The following CACNA2D3 variants were observed in gnomAD, a reference collection of about 807,000 sequenced individuals.
CACNA2D3 encodes calcium voltage-gated channel auxiliary subunit alpha2delta 3.
CACNA2D3 carries 60 observed loss-of-function variants against 160.6 expected under a neutral mutation model. The observed-to-expected ratio is 0.37, with a 90% CI of 0.30 to 0.46. CACNA2D3 has a LOEUF of 0.46. CACNA2D3 is among the 20% of genes least tolerant of loss of function. The probability of loss-of-function intolerance (pLI) is 1.00; values close to 1 mark genes in which losing one functional copy is unlikely to be tolerated. For synonymous variants in CACNA2D3, 558 were observed against 492.9 expected (o/e 1.13, Z -1.75); for missense variants, 1,205 against 1,365.0 (o/e 0.88, Z 1.85).
intron 13 of CACNA2D3, among the ~76,000 whole-genome samples, chr3:54,810,872 C>G (rs1020911041): frequency 6.6e-6 from 1 of 152,196 alleles, no homozygotes; most frequent in Non-Finnish European, 1.5e-5. Context: ...AAAAACATGT[C>G]CCTCTGCTCG....
intron 18 of CACNA2D3, among the ~76,000 whole-genome samples, chr3:54,873,730 T>G (rs1699595687): frequency 6.6e-6 from 1 of 152,236 alleles, no homozygotes; most frequent in Non-Finnish European, 1.5e-5. Context: ...GTTCTCTGGT[T>G]ACGTCTTTGG....
intron 30 of CACNA2D3, among the ~76,000 whole-genome samples, chr3:54,987,477 G>T (rs566736189): frequency 1.3e-5 from 2 of 152,224 alleles, no homozygotes; most frequent in East Asian, 3.9e-4. Context: ...CCCCTCCCAC[G>T]TACTGTGGAA....
chr3:54,441,851 T>G (rs999903610), intron 4 of CACNA2D3, among the ~76,000 whole-genome samples: 1 of 152,228 alleles, frequency 6.6e-6, no homozygotes, highest in Non-Finnish European at 1.5e-5. Context: ...TATATTTGAT[T>G]GGCATGGAAA....
chr3:55,011,724 A>G (rs10049389), intron 34 of CACNA2D3, among the ~76,000 whole-genome samples: 9,407 of 152,158 alleles, frequency 0.062, 1,001 homozygotes, highest in African/African-American at 0.21. Context: ...ACAAACACCA[A>G]CATATGAGTT....
chr3:54,465,659 C>A (rs558182805), intron 4 of CACNA2D3, among the ~76,000 whole-genome samples: 1 of 152,108 alleles, frequency 6.6e-6, no homozygotes, highest in Non-Finnish European at 1.5e-5. Context: ...CACAGCCATG[C>A]GTACAGGTTG....
At chr3:54,586,126 T>C (rs2106747163) in intron 9 of CACNA2D3, among the ~76,000 whole-genome samples, 1 of 151,986 alleles carries the variant, frequency 6.6e-6, no homozygotes, top group South Asian at 2.1e-4. Context: ...TAGCTGGGCG[T>C]GGTGGCACAT....
intron 2 of CACNA2D3, among the ~76,000 whole-genome samples, chr3:54,274,553 A>G (rs1315580573): frequency 6.6e-6 from 1 of 152,176 alleles, no homozygotes; most frequent in African/African-American, 2.4e-5. Context: ...CCCCAAAATT[A>G]TCTATTGTTG....
At position 54,729,785 on chromosome 3, in the gene CACNA2D3, G is replaced by A. The variant is rs373010196; in HGVS notation, c.1168-22814G>A. On this transcript the variant is annotated intron_variant, in intron 11 of 37. Coordinates refer to ENST00000474759, the MANE Select transcript of CACNA2D3 (RefSeq NM_018398.3). Reference sequence around the variant, plus strand: ...GAGGCCATGGTGGGTGGATCACGAGGTCAGGAGATTGAGACCATCCCGCCT... The same window carrying A: ...GAGGCCATGGTGGGTGGATCACGAGATCAGGAGATTGAGACCATCCCGCCT... 1.8e-4 allele frequency among the ~76,000 whole-genome samples: 28 copies of A among 152,056 alleles called. 1 individual carries two copies. Among genetic ancestry groups the A allele is most frequent in the Admixed American group, 5.2e-4 (8 of 15,272 alleles).
At chr3:54,251,367 A>G (rs1033086894) in intron 2 of CACNA2D3, among the ~76,000 whole-genome samples, 18 of 152,322 alleles carry the variant, frequency 1.2e-4, no homozygotes, top group Admixed American at 2.6e-4. Context: ...CTTTTATTAA[A>G]GTCTATGTAT....
At chr3:54,223,788 G>C (rs563041548) in intron 2 of CACNA2D3, among the ~76,000 whole-genome samples, 1 of 149,262 alleles carries the variant, frequency 6.7e-6, no homozygotes, top group Non-Finnish European at 1.5e-5. Flanking sequence ...GGAGGTGGAG[G>C]TTGCAGTGAG....
intron 32 of CACNA2D3, among the ~76,000 whole-genome samples, chr3:55,005,317 AG>A (rs1265833722): frequency 6.6e-6 from 1 of 152,178 alleles, no homozygotes; most frequent in Non-Finnish European, 1.5e-5. Flanking sequence ...AATTAAAAAA[AG>A]CCACTGCTAT....
In CACNA2D3 at chr3:55,074,328, CTCA is replaced by C. The variant is rs1269218822; in HGVS notation, c.*127_*129del. The C allele has an allele frequency of 6.4e-6, 5 of 783,952 alleles. No homozygotes were observed. The highest frequency in any genetic ancestry group is 1.5e-5 in the South Asian group (1 of 66,374). The allele number at this position is 783,952 out of a possible 1,614,324, so 48.6% of individuals were successfully genotyped here. ...ATGAATATAGTCCAACCATCAGCAT[CTCA>C]TCATGATTTTAAACTGTGCGTGATA... is the stretch of plus-strand genomic sequence containing the variant. On this transcript the variant is annotated 3_prime_UTR_variant, in exon 38 of 38. Coordinates refer to ENST00000474759, the MANE Select transcript of CACNA2D3 (RefSeq NM_018398.3).
intron 35 of CACNA2D3, among the ~76,000 whole-genome samples, chr3:55,021,997 C>T (rs996378877): frequency 2.0e-5 from 3 of 152,014 alleles, no homozygotes; most frequent in Admixed American, 6.6e-5. Context: ...GATCAATGTG[C>T]GTCCTTTGGA....
chr3:55,010,590 C>A (rs1055909920), intron 34 of CACNA2D3, among the ~76,000 whole-genome samples: 2 of 152,160 alleles, frequency 1.3e-5, no homozygotes, highest in Admixed American at 1.3e-4. Flanking sequence ...CATTCATGTT[C>A]ATTTTCCTAC....
intron 33 of CACNA2D3, among the ~76,000 whole-genome samples, chr3:55,008,926 G>A (rs77889186): frequency 1.5e-5 from 1 of 68,290 alleles, no homozygotes; most frequent in Admixed American, 1.5e-4. Flanking sequence ...CACACACACA[G>A]GGGGCTTAAA....
At chr3:54,688,702 T>G (rs1054480406) in intron 11 of CACNA2D3, among the ~76,000 whole-genome samples, 1 of 150,164 alleles carries the variant, frequency 6.7e-6, no homozygotes, top group Non-Finnish European at 1.5e-5. Flanking sequence ...GCTGCAATTA[T>G]TAATGTTAAT....
chr3:54,951,909 C>T lies in CACNA2D3; in HGVS notation c.2450-16541C>T, dbSNP rs781003147. On this transcript the variant is annotated intron_variant, in intron 27 of 37. Coordinates refer to ENST00000474759, the MANE Select transcript of CACNA2D3 (RefSeq NM_018398.3). ...CATTACCCAGGCTGGAGTGCAGTGACGCGATCTCGGCTCACTGCAACCTCC... is the reference window on the plus strand; with the variant it reads ...CATTACCCAGGCTGGAGTGCAGTGATGCGATCTCGGCTCACTGCAACCTCC... Among the ~76,000 whole-genome samples the T allele has an allele frequency of 1.1e-4, 17 of 152,110 alleles. 1 individual carries two copies. Among genetic ancestry groups the T allele is most frequent in the Admixed American group, 5.9e-4 (9 of 15,264 alleles).
intron 2 of CACNA2D3, among the ~76,000 whole-genome samples, chr3:54,226,310 T>C (rs1701671058): frequency 8.2e-6 from 1 of 121,502 alleles, no homozygotes; most frequent in African/African-American, 3.4e-5. Flanking sequence ...CTGCCCCTGA[T>C]GCTTTTTTTT....
chr3:54,764,705 C>G (rs556848747), intron 13 of CACNA2D3, among the ~76,000 whole-genome samples: 11 of 152,260 alleles, frequency 7.2e-5, no homozygotes, highest in African/African-American at 2.2e-4. Flanking sequence ...GAGCCCCAGT[C>G]CTGGCAATGA....
Sources: allele counts gnomAD v4.1 joint callset (sites outside exome capture counted in the v4.1 genomes callset), GRCh38; gene constraint gnomAD v4.1.1; transcripts MANE v1.5; gene names NCBI Gene and HGNC (gene_info 2026-07-23, HGNC 2026-07-21).